GADL1: variants seen among roughly 807,000 people sequenced by gnomAD.
GADL1 encodes GAD like acidic amino acid decarboxylase 1.
GADL1 carries 71 observed loss-of-function variants against 69.5 expected under a neutral mutation model. The observed-to-expected ratio is 1.02, with a 90% confidence interval of 0.84 to 1.25. The LOEUF (loss-of-function observed/expected upper bound fraction) is 1.25. Among genes scored for constraint, GADL1 ranks in the 50% most tolerant of loss-of-function variants. The pLI is 0.00. For synonymous variants in GADL1, 254 were observed against 214.4 expected (o/e 1.18, Z -1.62); for missense variants, 737 against 631.8 (o/e 1.17, Z -1.79).
At chr3:30,866,905 T>A (rs1004938772) in intron 1 of GADL1, among the ~76,000 whole-genome samples, 23 of 152,100 alleles carry the variant, frequency 1.5e-4, no homozygotes, top group African/African-American at 5.3e-4. Context: ...GAGGACTGAC[T>A]GGCTGACTGT....
chr3:30,770,564 A>T (rs906612948), intron 14 of GADL1, among the ~76,000 whole-genome samples: 11 of 150,976 alleles, frequency 7.3e-5, no homozygotes, highest in Non-Finnish European at 1.0e-4. Context: ...TGCCCAGTGG[A>T]TCAGTAGGTC....
chr3:30,862,540 C>T (rs1003905711), intron 1 of GADL1, among the ~76,000 whole-genome samples: 4 of 152,098 alleles, frequency 2.6e-5, no homozygotes, highest in Admixed American at 6.6e-5. Flanking sequence ...TAGGATGAAG[C>T]TTTGGGCAGA....
chr3:30,796,064 T>C (rs1011631134), intron 12 of GADL1, among the ~76,000 whole-genome samples: 1 of 152,210 alleles, frequency 6.6e-6, no homozygotes, highest in East Asian at 1.9e-4. Flanking sequence ...AATTAGAAAG[T>C]ATTCTTAGAC....
intron 14 of GADL1, among the ~76,000 whole-genome samples, chr3:30,774,565 A>AAG (rs777675388): frequency 4.7e-5 from 7 of 148,916 alleles, no homozygotes; most frequent in Admixed American, 2.0e-4. Context: ...CTGTGTTTCT[A>AAG]AGAGTATATG....
At chr3:30,757,637 A>AGAAT (rs1342087788) in intron 14 of GADL1, among the ~76,000 whole-genome samples, 1 of 152,218 alleles carries the variant, frequency 6.6e-6, no homozygotes, top group Non-Finnish European at 1.5e-5. Context: ...CCCCCCACAG[A>AGAAT]GAATGAGTAA....
chr3:30,863,813 CAAAGTT>C (rs5847671), intron 1 of GADL1, among the ~76,000 whole-genome samples: 49,979 of 151,632 alleles, frequency 0.33, 8,503 homozygotes, highest in East Asian at 0.53. Flanking sequence ...ACCTTCTCCT[CAAAGTT>C]AAACGTTCTG....
chr3:30,880,990 G>A (rs188907057), intron 1 of GADL1, among the ~76,000 whole-genome samples: 233 of 151,998 alleles, frequency 1.5e-3, no homozygotes, highest in Non-Finnish European at 2.6e-3. Context: ...CAGTGCAAAT[G>A]GAGAAAGTAA....
chr3:30,776,341 C>T (rs1696535906), intron 14 of GADL1, among the ~76,000 whole-genome samples: 2 of 152,198 alleles, frequency 1.3e-5, no homozygotes, highest in Admixed American at 6.5e-5. Flanking sequence ...TCAGCCACAT[C>T]CCATCATAGT....
At chr3:30,852,987 A>G (rs1368929323) in intron 4 of GADL1, among the ~76,000 whole-genome samples, 3 of 152,136 alleles carry the variant, frequency 2.0e-5, no homozygotes, top group Non-Finnish European at 2.9e-5. Flanking sequence ...AGTGACGTCC[A>G]TGTAGCTAAT....
At chr3:30,751,289 TC>T (rs1481137182) in intron 14 of GADL1, among the ~76,000 whole-genome samples, 2 of 152,070 alleles carry the variant, frequency 1.3e-5, no homozygotes, top group South Asian at 2.1e-4. Flanking sequence ...TGTTGCCAAT[TC>T]TTTTGGCTTT....
At chr3:30,780,811 A>G (rs1696650178) in intron 13 of GADL1, among the ~76,000 whole-genome samples, 1 of 152,172 alleles carries the variant, frequency 6.6e-6, no homozygotes, top group Non-Finnish European at 1.5e-5. Context: ...ACTTCACTTC[A>G]TTGGAAGAAA....
At chr3:30,770,946 A>C (rs1696406545) in intron 14 of GADL1, among the ~76,000 whole-genome samples, 1 of 152,148 alleles carries the variant, frequency 6.6e-6, no homozygotes, top group South Asian at 2.1e-4. Flanking sequence ...TTAGACCACA[A>C]AACAATATAT....
chr3:30,745,942 C>T (rs1201401007), intron 14 of GADL1, among the ~76,000 whole-genome samples: 1 of 151,086 alleles, frequency 6.6e-6, no homozygotes, highest in South Asian at 2.1e-4. Context: ...CTTCCCCTTC[C>T]CCCTCCCCTT....
intron 11 of GADL1, among the ~76,000 whole-genome samples, chr3:30,822,814 A>G (rs1697608632): frequency 6.6e-6 from 1 of 152,036 alleles, no homozygotes; most frequent in African/African-American, 2.4e-5. Flanking sequence ...TTTAATCATT[A>G]CATAACTAAA....
Position 30,861,647 on chromosome 3 carries a change from G to T in GADL1, c.156C>A (p.Ala52=), listed in dbSNP as rs775339969. 2 of 1,550,278 alleles carry T rather than the reference G, an allele frequency of 1.3e-6. No homozygotes were observed. Among genetic ancestry groups the T allele is most frequent in the African/African-American group, 1.4e-5 (1 of 73,008 alleles). Residue 52 remains alanine, a synonymous_variant, in exon 2 of 15, where the codon GCC becomes GCA. Coordinates refer to ENST00000282538, the MANE Select transcript of GADL1 (RefSeq NM_207359.3). ...CCACCTCTTCCATTATTAGCCTACA[G>T]GCCTCTTCAACAAATTTTTCTCCAG... ...AKAGEKFVEE[A]CRLIMEEVVL...
intron 11 of GADL1, among the ~76,000 whole-genome samples, chr3:30,821,170 GC>G (rs1697571910): frequency 6.6e-6 from 1 of 152,046 alleles, no homozygotes; most frequent in Admixed American, 6.6e-5. Flanking sequence ...TCTGGGGACT[GC>G]TGGGTGTGGG....
At chr3:30,842,184 T>C (rs78603027) in intron 8 of GADL1, among the ~76,000 whole-genome samples, 1 of 150,834 alleles carries the variant, frequency 6.6e-6, no homozygotes, top group Non-Finnish European at 1.5e-5. Context: ...AAGTCAACTA[T>C]TTTTTTTAAA....
chr3:30,894,397 A>T (rs1698828860), intron 1 of GADL1, among the ~76,000 whole-genome samples, 181 bp downstream of exon 1: 1 of 152,212 alleles, frequency 6.6e-6, no homozygotes, highest in South Asian at 2.1e-4. Context: ...TTTGATTCTA[A>T]ATAATAACCT....
intron 1 of GADL1, among the ~76,000 whole-genome samples, chr3:30,879,788 A>G (rs139829008): frequency 1.9e-4 from 29 of 152,004 alleles, no homozygotes; most frequent in Non-Finnish European, 3.8e-4. Flanking sequence ...GTGCACAAAA[A>G]TATCTTTTCT....
Sources: allele counts gnomAD v4.1 joint callset (sites outside exome capture counted in the v4.1 genomes callset), GRCh38; gene constraint gnomAD v4.1.1; transcripts MANE v1.5; gene names NCBI Gene and HGNC (gene_info 2026-07-23, HGNC 2026-07-21).